The following MAN2A2 variants were observed in gnomAD, a reference collection of about 807,000 sequenced individuals.
The protein encoded by MAN2A2 is mannosidase alpha class 2A member 2, also known as alpha-mannosidase 2x.
A neutral mutation model predicts 126.8 loss-of-function variants in MAN2A2; 79 were observed. That is an observed-to-expected ratio of 0.62 (90% CI 0.52 to 0.75). The LOEUF is 0.75. Among genes scored for constraint, MAN2A2 ranks in the 30% least tolerant of loss-of-function variants. The pLI is 0.00. For synonymous variants in MAN2A2, 671 were observed against 618.7 expected, an observed-to-expected ratio of 1.08 and a Z score of -1.25; for missense variants, 1,392 against 1,522.4, an observed-to-expected ratio of 0.91 and a Z score of 1.43.
At chr15:90,910,443 G>A in intron 10 of MAN2A2, 58 bp from the exon 11 acceptor site, 1 of 1,598,954 alleles carries the variant, frequency 6.3e-7, no homozygotes, top group African/African-American at 1.3e-5. Flanking sequence ...CACTGGCAGA[G>A]TGTGGGTGGG....
chr15:90,910,016 C>A, intron 9 of MAN2A2, 74 bp from the exon 10 acceptor site: 2 of 1,370,568 alleles, frequency 1.5e-6, no homozygotes, highest in Middle Eastern at 2.7e-4. Context: ...GCCTCACCCC[C>A]AACTGCAGCA....
intron 13 of MAN2A2, 60 bp from the exon 14 acceptor site, chr15:90,911,325 A>C (rs1265222467): frequency 1.2e-6 from 2 of 1,613,144 alleles, no homozygotes; most frequent in East Asian, 4.5e-5. Context: ...GAACCAGTGC[A>C]GGGCGCTTGC....
intron 7 of MAN2A2, 131 bp from the exon 8 acceptor site, chr15:90,907,178 A>G (rs2034364379): frequency 1.0e-6 from 1 of 974,732 alleles, no homozygotes; most frequent in Admixed American, 2.3e-5. Flanking sequence ...TGGCCTACAC[A>G]CTCTCTCCAG....
intron 22 of MAN2A2, 51 bp downstream of exon 22, chr15:90,918,806 G>A (rs2035385157): frequency 7.6e-7 from 1 of 1,311,534 alleles, no homozygotes; most frequent in African/African-American, 1.5e-5. Flanking sequence ...CATGAGCTTG[G>A]TAAGACTGGG....
At chr15:90,911,061 T>C in intron 12 of MAN2A2, 100 bp downstream of exon 12, 1 of 1,474,966 alleles carries the variant, frequency 6.8e-7, no homozygotes, top group South Asian at 1.2e-5. Flanking sequence ...TCCTTCCCCA[T>C]CCGGATGAGT....
chr15:90,916,679 A>T (rs2035211242), intron 20 of MAN2A2: 2 of 1,291,814 alleles, frequency 1.5e-6, no homozygotes, highest in East Asian at 1.1e-4. Context: ...CGGCTCTGGG[A>T]GCGGGGAACT....
rs1361474976 is a variant in MAN2A2, at chr15:90,911,167, C to G, written c.1876-4C>G. 3 of 1,613,952 alleles carry G rather than the reference C, an allele frequency of 1.9e-6. No individual in the cohort carries two copies. Among genetic ancestry groups the G allele is most frequent in the African/African-American group, 1.3e-5 (1 of 75,004 alleles). ...TTCTTCCCTTCCGGCTCACTGAATT[C>G]CAGGATGACACTCGCTTAAGTCACG... is the stretch of plus-strand genomic sequence containing the variant. On this transcript the variant is annotated splice_polypyrimidine_tract_variant and splice_region_variant and intron_variant, in intron 12 of 22. Coordinates refer to ENST00000559717, the MANE Select transcript of MAN2A2 (RefSeq NM_006122.4).
In MAN2A2 at chr15:90,912,216, C is replaced by T. The variant is rs745905771; in HGVS notation, c.2283C>T (p.Ser761=). The T allele has an allele frequency of 5.0e-6, 8 of 1,614,104 alleles. No homozygotes were observed. In the East Asian group the frequency reaches 6.7e-5, roughly 13 times the overall value. Residue 761 remains serine, a synonymous_variant, in exon 15 of 23, where the codon AGC becomes AGT. Transcript: ENST00000559717. ...FPLRVIDSGT[S]DFALSNRYMQ... is the part of the protein sequence containing the mutation. ...TCCGTGTCATTGACTCTGGCACCAG[C>T]GACTTCGCCCTCAGCAACCGCTACA...
chr15:90,903,864 C>G (rs1234663546), intron 1 of MAN2A2: 1 of 388,354 alleles, frequency 2.6e-6, no homozygotes, highest in South Asian at 2.1e-5. Context: ...AGCACATGGC[C>G]GAGGAGCCTG....
At chr15:90,908,840 T>G (rs553102278) in intron 8 of MAN2A2, among the ~76,000 whole-genome samples, 1 of 152,296 alleles carries the variant, frequency 6.6e-6, no homozygotes, top group African/African-American at 2.4e-5. Context: ...TCTCCCAAAG[T>G]GCTGGGATTA....
At chr15:90,919,395 C>T (rs147304822) in intron 22 of MAN2A2, among the ~76,000 whole-genome samples, 160 of 152,348 alleles carry the variant, frequency 1.1e-3, no homozygotes, top group Admixed American at 2.9e-3. Flanking sequence ...CCTGCCCCCA[C>T]GCCCAGCTAA....
chr15:90,913,223 G>A (rs780936866), intron 17 of MAN2A2, 50 bp from the exon 18 acceptor site: 1 of 1,601,064 alleles, frequency 6.2e-7, no homozygotes, highest in East Asian at 2.2e-5. Flanking sequence ...CCTCTTAGCT[G>A]TGCTTCAGCC....
chr15:90,916,272 G>C lies in MAN2A2; in HGVS notation c.2994+16G>C. The stretch of plus-strand genomic sequence containing the variant: ...GGGCAGTGAGGTAACATCTGGGGCT[G>C]ACGCCCAGGGAGCCAGGTCTGGCTA... On this transcript the variant is annotated intron_variant, in intron 20 of 22. Transcript: ENST00000559717. 1 of 1,611,104 alleles carries C rather than the reference G, an allele frequency of 6.2e-7. No homozygotes were observed. The highest frequency in any genetic ancestry group is 1.3e-5 in the African/African-American group (1 of 74,996).
intron 9 of MAN2A2, 26 bp downstream of exon 9, chr15:90,909,530 G>A (rs1425892116): frequency 2.5e-6 from 4 of 1,596,902 alleles, no homozygotes; most frequent in Admixed American, 1.7e-5. Context: ...GACTGGGGAG[G>A]GGCCTCACAG....
chr15:90,905,760 G>A, intron 4 of MAN2A2, 37 bp downstream of exon 4: 2 of 1,610,656 alleles, frequency 1.2e-6, no homozygotes. Flanking sequence ...CTGGAGTGTG[G>A]AGTGGGATTT....
At chr15:90,908,069 C>G (rs1309438417) in intron 8 of MAN2A2, among the ~76,000 whole-genome samples, 1 of 152,168 alleles carries the variant, frequency 6.6e-6, no homozygotes, top group Non-Finnish European at 1.5e-5. Context: ...TCTGATTTCT[C>G]CCTGATGTCC....
chr15:90,907,479 G>A lies in MAN2A2; in HGVS notation c.1180G>A (p.Ala394Thr). The A allele has an allele frequency of 6.2e-7, 1 of 1,612,172 alleles. No individual in the cohort carries two copies. The highest frequency in any genetic ancestry group is 8.5e-7 in the Non-Finnish European group (1 of 1,179,856). The change falls in exon 8 of 23, where the codon GCC becomes ACC. Residue 394 changes from alanine to threonine, a missense_variant. By Grantham distance (58) the Ala-to-Thr change is moderately conservative. Transcript: ENST00000559717. ...WKVPPRAITE[A>T]NVAERAALLL... ...GGTGCCACCCCGGGCCATCACAGAG[G>A]CCAACGTGGCAGAGAGGTATCTGCT...
At position 90,915,825 on chromosome 15, in the gene MAN2A2, C is replaced by T. The variant is rs546935231; in HGVS notation, c.2861-298C>T. On this transcript the variant is annotated intron_variant, in intron 19 of 22. Coordinates refer to ENST00000559717, the MANE Select transcript of MAN2A2 (RefSeq NM_006122.4). ...AACCCGTCCTGATTCGGTTTCCTGC[C>T]TGGGCCCCTAGGCCCGTTCCCTACT... Among the ~76,000 whole-genome samples, 30 of 152,394 alleles carry T rather than the reference C, an allele frequency of 2.0e-4. 1 individual carries two copies. In the Middle Eastern group the frequency reaches 0.01, roughly 52 times the overall value.
chr15:90,905,124 A>T, intron 2 of MAN2A2, 127 bp from the exon 3 acceptor site: 1 of 994,406 alleles, frequency 1.0e-6, no homozygotes, highest in Non-Finnish European at 1.5e-6. Context: ...CTATCCCTCT[A>T]GGCTCATGGT....
Sources: allele counts gnomAD v4.1 joint callset (sites outside exome capture counted in the v4.1 genomes callset), GRCh38; gene constraint gnomAD v4.1.1; transcripts MANE v1.5; gene names NCBI Gene and HGNC (gene_info 2026-07-23, HGNC 2026-07-21).